LRRC7: variants seen among roughly 807,000 people sequenced by gnomAD.
LRRC7 encodes the protein leucine rich repeat containing 7, also known as leucine-rich repeat-containing protein 7.
Under a neutral mutation model 175.7 loss-of-function variants are expected in LRRC7, and 23 were observed. That is an observed-to-expected ratio of 0.13 (90% CI 0.09 to 0.19). The LOEUF is 0.19. LRRC7 is among the 10% of genes least tolerant of loss of function. The probability of loss-of-function intolerance (pLI) is 1.00; values close to 1 mark genes in which losing one functional copy is unlikely to be tolerated. For missense variants in LRRC7, 1,354 were observed against 1,904.7 expected (o/e 0.71, Z 5.38); for synonymous variants, 685 against 680.9 (o/e 1.01, Z -0.09).
At chr1:70,084,324 C>T (rs553584658) in intron 24 of LRRC7, among the ~76,000 whole-genome samples, 1 of 152,266 alleles carries the variant, frequency 6.6e-6, no homozygotes, top group African/African-American at 2.4e-5. Context: ...ACTTTCCATA[C>T]TCCCTCCAGC....
At chr1:69,769,923 G>A (rs1672036067) in intron 3 of LRRC7, among the ~76,000 whole-genome samples, 1 of 151,840 alleles carries the variant, frequency 6.6e-6, no homozygotes, top group African/African-American at 2.4e-5. Flanking sequence ...GGCCATTTTA[G>A]GTAAAGATGA....
At chr1:69,772,137 G>C (rs966545636) in intron 3 of LRRC7, among the ~76,000 whole-genome samples, 1 of 151,846 alleles carries the variant, frequency 6.6e-6, no homozygotes, top group Admixed American at 6.6e-5. Flanking sequence ...AAATAAATAA[G>C]AAAAAAGAAA....
intron 1 of LRRC7, among the ~76,000 whole-genome samples, chr1:69,643,840 T>C (rs2100444855): frequency 6.6e-6 from 1 of 152,180 alleles, no homozygotes; most frequent in South Asian, 2.1e-4. Flanking sequence ...GCTTGTGAAG[T>C]GTATTTTCTG....
At chr1:70,030,366 C>T (rs1038692215) in intron 18 of LRRC7, among the ~76,000 whole-genome samples, 1 of 152,148 alleles carries the variant, frequency 6.6e-6, no homozygotes, top group African/African-American at 2.4e-5. Flanking sequence ...ACAGAAATTT[C>T]ACTGGTAATT....
At chr1:69,569,763 T>G (rs1645659504) in intron 1 of LRRC7, among the ~76,000 whole-genome samples, 1 of 151,726 alleles carries the variant, frequency 6.6e-6, no homozygotes, top group African/African-American at 2.4e-5. Context: ...CATCAAGTCA[T>G]AAAGCGAGCG....
At chr1:69,843,151 C>T (rs1472531439) in intron 7 of LRRC7, among the ~76,000 whole-genome samples, 1 of 151,900 alleles carries the variant, frequency 6.6e-6, no homozygotes, top group East Asian at 1.9e-4. Flanking sequence ...GAGATCATGC[C>T]ACTGAACTCC....
chr1:70,113,046 G>C (rs1665625103), intron 26 of LRRC7, among the ~76,000 whole-genome samples: 1 of 152,134 alleles, frequency 6.6e-6, no homozygotes, highest in African/African-American at 2.4e-5. Flanking sequence ...ATGGCGATAG[G>C]GGGAGACAGC....
intron 5 of LRRC7, among the ~76,000 whole-genome samples, chr1:69,827,534 A>C (rs1680060281): frequency 6.6e-6 from 1 of 152,168 alleles, no homozygotes; most frequent in African/African-American, 2.4e-5. Flanking sequence ...TCATGTTTTT[A>C]AATATGTTAT....
intron 1 of LRRC7, among the ~76,000 whole-genome samples, chr1:69,632,116 G>T (rs1252350996): frequency 6.6e-6 from 1 of 152,028 alleles, no homozygotes; most frequent in African/African-American, 2.4e-5. Flanking sequence ...TATAACCTTA[G>T]TGACTTTGTG....
intron 18 of LRRC7, among the ~76,000 whole-genome samples, chr1:70,035,625 C>CAAAAA (rs765207825): frequency 9.9e-4 from 71 of 71,708 alleles, no homozygotes; most frequent in African/African-American, 2.9e-3. Context: ...TAGGGATGCA[C>CAAAAA]AAAAAAAAAA....
At position 70,039,678 on chromosome 1, in the gene LRRC7, A is replaced by G; in HGVS notation, c.3854A>G (p.Asn1285Ser). The G allele has an allele frequency of 1.2e-6, 2 of 1,614,144 alleles. No homozygotes were observed. Among genetic ancestry groups the G allele is most frequent in the Non-Finnish European group, 1.7e-6 (2 of 1,180,004 alleles). Residue 1285 changes from asparagine to serine, a missense_variant, in exon 21 of 27, where the codon AAC becomes AGC. Around this residue, in one of 4 missense-constraint regions of LRRC7, gnomAD observed 1,032 missense variants for 1,227.2 expected, o/e 0.84. Coordinates refer to ENST00000651989, the MANE Select transcript of LRRC7 (RefSeq NM_001370785.2). Reference sequence around the variant, plus strand: ...AACTATGGTGACAAGCCATCAGATAACAGTGATTTAAAGACGAGGCCTACT... The same window carrying G: ...AACTATGGTGACAAGCCATCAGATAGCAGTGATTTAAAGACGAGGCCTACT... ...LGNYGDKPSD[N>S]SDLKTRPTPV...
chr1:70,046,968 G>C (rs1302287672), intron 22 of LRRC7, among the ~76,000 whole-genome samples: 1 of 152,050 alleles, frequency 6.6e-6, no homozygotes, highest in African/African-American at 2.4e-5. Flanking sequence ...CAGGAGAGGA[G>C]ATAGGCAAAA....
At chr1:69,769,881 T>G (rs911516863) in intron 3 of LRRC7, among the ~76,000 whole-genome samples, 20 of 150,182 alleles carry the variant, frequency 1.3e-4, no homozygotes, top group African/African-American at 5.0e-4. Context: ...TGTCAGTTAG[T>G]TTTTTTTTAT....
At chr1:69,571,074 T>C (rs1394764608) in intron 1 of LRRC7, among the ~76,000 whole-genome samples, 1 of 152,334 alleles carries the variant, frequency 6.6e-6, no homozygotes, top group Non-Finnish European at 1.5e-5. Flanking sequence ...CATACTAATA[T>C]GTAATGATAA....
chr1:69,938,201 G>C (rs1334263496), intron 8 of LRRC7, among the ~76,000 whole-genome samples: 1 of 151,962 alleles, frequency 6.6e-6, no homozygotes, highest in Non-Finnish European at 1.5e-5. Flanking sequence ...AATAAGTAGT[G>C]TCATTTTAAC....
chr1:70,098,051 T>G (rs995183745), intron 25 of LRRC7, among the ~76,000 whole-genome samples: 2 of 151,754 alleles, frequency 1.3e-5, no homozygotes, highest in Non-Finnish European at 2.9e-5. Flanking sequence ...ACCTCCACAA[T>G]GGTTGAACTA....
At chr1:70,106,510 T>A (rs1487212915) in intron 25 of LRRC7, among the ~76,000 whole-genome samples, 1 of 152,236 alleles carries the variant, frequency 6.6e-6, no homozygotes, top group Non-Finnish European at 1.5e-5. Context: ...TTTCATTATA[T>A]AGATATATAC....
intron 1 of LRRC7, 96 bp downstream of exon 1, chr1:69,568,737 C>T: frequency 2.9e-6 from 1 of 349,186 alleles, no homozygotes; most frequent in Non-Finnish European, 4.6e-6. Flanking sequence ...AGAGGCCGGC[C>T]GGGGGCGGGG....
intron 2 of LRRC7, among the ~76,000 whole-genome samples, chr1:69,702,820 T>C (rs1439233725): frequency 6.6e-6 from 1 of 152,150 alleles, no homozygotes; most frequent in Non-Finnish European, 1.5e-5. Context: ...GAAATATAGA[T>C]AGTATCCTAG....
Sources: allele counts gnomAD v4.1 joint callset (sites outside exome capture counted in the v4.1 genomes callset), GRCh38; gene constraint gnomAD v4.1.1; regional missense constraint gnomAD v4.1.1; transcripts MANE v1.5; gene names NCBI Gene and HGNC (gene_info 2026-07-23, HGNC 2026-07-21).